STAU1: variants seen among roughly 807,000 people sequenced by gnomAD.
STAU1 encodes staufen double-stranded RNA binding protein 1.
STAU1 carries 13 observed loss-of-function variants against 62.9 expected under a neutral mutation model. That is an observed-to-expected ratio of 0.21 (90% confidence interval 0.13 to 0.33). The LOEUF is 0.33. Ranked by LOEUF, STAU1 falls within the 10% of genes least tolerant of loss-of-function variation. The pLI is 1.00. For synonymous variants in STAU1, 269 were observed against 265.1 expected (o/e 1.01, Z -0.14); for missense variants, 571 against 712.1 (o/e 0.80, Z 2.25).
Position 49,146,736 on chromosome 20 carries a change from AAT to A in STAU1, c.510+4844_510+4845del, listed in dbSNP as rs528742639. 1.5e-3 allele frequency among the ~76,000 whole-genome samples: 232 copies of A among 152,116 alleles called. 1 individual carries two copies. The highest frequency in any genetic ancestry group is 2.8e-3 in the Non-Finnish European group (191 of 67,970). On this transcript the variant is annotated intron_variant, in intron 5 of 13. Coordinates refer to ENST00000371856, the MANE Select transcript of STAU1 (RefSeq NM_017453.4). ...AAAAAAAAGGAAAGAAAGAAACAAA[AAT>A]ACATACACACTGAAACACCAACAGG...
chr20:49,167,512 A>G (rs1021692430), intron 2 of STAU1, among the ~76,000 whole-genome samples: 1 of 152,208 alleles, frequency 6.6e-6, no homozygotes. Context: ...TAGCAGAGGC[A>G]TAAGTATTAC....
chr20:49,184,212 T>C (rs959658997), intron 1 of STAU1, among the ~76,000 whole-genome samples: 3 of 151,924 alleles, frequency 2.0e-5, no homozygotes, highest in Non-Finnish European at 2.9e-5. Context: ...ATTACAGGCA[T>C]GGGGTTGCAG....
intron 6 of STAU1, among the ~76,000 whole-genome samples, chr20:49,126,850 T>G (rs1000273264): frequency 6.6e-6 from 1 of 151,600 alleles, no homozygotes; most frequent in African/African-American, 2.4e-5. Flanking sequence ...TAACTAGGTA[T>G]CTGCATGGAG....
chr20:49,165,974 G>C, intron 3 of STAU1, 23 bp downstream of exon 3: 1 of 1,609,688 alleles, frequency 6.2e-7, no homozygotes, highest in Non-Finnish European at 8.5e-7. Flanking sequence ...TGAAATAGAA[G>C]ACACTTGGAT....
chr20:49,193,373 T>C, the STAU1 span, among the ~76,000 whole-genome samples: 6 of 150,196 alleles, frequency 4.0e-5, no homozygotes, highest in Admixed American at 4.0e-4. Flanking sequence ...CAAGACTCTG[T>C]CTCTAAAGAA....
chr20:49,198,471 C>T, the STAU1 span, among the ~76,000 whole-genome samples: 1 of 152,068 alleles, frequency 6.6e-6, no homozygotes, highest in Admixed American at 6.6e-5. Context: ...CATGCAACTG[C>T]ACTCCAGCCT....
intron 6 of STAU1, among the ~76,000 whole-genome samples, chr20:49,135,493 T>C (rs2092858459): frequency 6.6e-6 from 1 of 152,184 alleles, no homozygotes; most frequent in Admixed American, 6.5e-5. Context: ...ACAAATGCTT[T>C]TGAGACTGAT....
In STAU1 at chr20:49,117,772, G is replaced by A. The variant is rs873689; in HGVS notation, c.1509+5C>T. On this transcript the variant is annotated splice_donor_5th_base_variant and intron_variant, in intron 11 of 13. Transcript: ENST00000371856. This position sits in a 1 kb window ranked among gnomAD's most constrained non-coding sequence, Gnocchi z 4.6. Reference sequence around the variant, plus strand: ...CAGCCATCACAGCTCAGGCCAGACAGTTACCTGGAATCCCTGGACTCTGGA... The same window carrying A: ...CAGCCATCACAGCTCAGGCCAGACAATTACCTGGAATCCCTGGACTCTGGA... The A allele has an allele frequency of 6.5e-3, 10,383 of 1,602,662 alleles. 542 individuals carry two copies. In the African/African-American group the frequency reaches 0.12, roughly 18 times the overall value.
intron 5 of STAU1, among the ~76,000 whole-genome samples, chr20:49,142,687 T>A (rs930771132): frequency 6.6e-6 from 1 of 152,100 alleles, no homozygotes; most frequent in Admixed American, 6.6e-5. Flanking sequence ...GTGACTGGAG[T>A]TGCGATTCAC....
At chr20:49,213,036 C>T in the STAU1 span, among the ~76,000 whole-genome samples, 1,530 of 152,062 alleles carry the variant, frequency 0.01, 27 homozygotes, top group African/African-American at 0.029. Context: ...GACAGGGTCT[C>T]GCTCTGTCAT....
At chr20:49,214,442 C>T in the STAU1 span, among the ~76,000 whole-genome samples, 7 of 148,102 alleles carry the variant, frequency 4.7e-5, no homozygotes. Flanking sequence ...CGCTTGAACC[C>T]GGGAGGCAGA....
the STAU1 span, among the ~76,000 whole-genome samples, chr20:49,214,517 C>CAAAA: frequency 1.7e-5 from 2 of 119,200 alleles, no homozygotes; most frequent in Non-Finnish European, 3.3e-5. Context: ...GATTCCGTCT[C>CAAAA]AAAAAAAAAA....
chr20:49,157,344 G>A (rs1161001025), intron 3 of STAU1, among the ~76,000 whole-genome samples: 6 of 151,952 alleles, frequency 3.9e-5, no homozygotes, highest in Non-Finnish European at 8.8e-5. Flanking sequence ...TTTGAAATGG[G>A]GTCTTGCTCT....
the STAU1 span, among the ~76,000 whole-genome samples, chr20:49,194,429 CA>C: frequency 0.41 from 33,441 of 80,886 alleles, 4,153 homozygotes; most frequent in Middle Eastern, 0.55. Flanking sequence ...AACTCCGTCT[CA>C]AAAAAAAAAA....
chr20:49,160,173 A>G lies in STAU1; in HGVS notation c.205+5824T>C, dbSNP rs1315265102. On this transcript the variant is annotated intron_variant, in intron 3 of 13. Coordinates refer to ENST00000371856, the MANE Select transcript of STAU1 (RefSeq NM_017453.4). ...ACAACAAAAAAGTAGTAACTTGCAC[A>G]AGATCACACAGCTAGTAACAAGCTG... 2.6e-5 allele frequency among the ~76,000 whole-genome samples: 4 copies of G among 152,346 alleles called. No homozygotes were observed. In the East Asian group the frequency reaches 5.8e-4, roughly 22 times the overall value.
At position 49,135,846 on chromosome 20, in the gene STAU1, G is replaced by A. The variant is rs369174174; in HGVS notation, c.596C>T (p.Pro199Leu). 11 of 1,613,240 alleles carry A rather than the reference G, an allele frequency of 6.8e-6. No homozygotes were observed. Among genetic ancestry groups the A allele is most frequent in the African/African-American group, 6.7e-5 (5 of 74,894 alleles). ...VFEIALKRNL[P>L]VNFEVARESG... ...AAATTAGCTTACCTCGAAATTCACA[G>A]GCAAGTTCCGTTTAAGTGCAATCTC... is the stretch of plus-strand genomic sequence containing the variant. The change falls in exon 6 of 14, where the codon CCT becomes CTT. Residue 199 changes from proline (P) to leucine (L), a missense_variant. Physicochemically the swap from Pro to Leu is moderately conservative, Grantham distance 98 (BLOSUM62 -3). This residue lies in a region of STAU1 where 414 missense variants were observed against 499.6 expected (regional missense o/e 0.83). Transcript: ENST00000371856.
chr20:49,159,050 G>A, intron 3 of STAU1: 1 of 1,265,296 alleles, frequency 7.9e-7, no homozygotes. Flanking sequence ...CAAAACCCTG[G>A]CAGGCAGGAA....
intron 2 of STAU1, among the ~76,000 whole-genome samples, chr20:49,170,304 C>T (rs2093580811): frequency 6.6e-6 from 1 of 152,226 alleles, no homozygotes; most frequent in Non-Finnish European, 1.5e-5. Flanking sequence ...CCACTTTCAA[C>T]TTACAGACTG....
rs1271946903 is a variant in STAU1, at chr20:49,177,817, GA to G, written c.-159-3549del. On this transcript the variant is annotated intron_variant, in intron 1 of 13. Coordinates refer to ENST00000371856, the MANE Select transcript of STAU1 (RefSeq NM_017453.4). ...TTAGCAAAGAAAGAAGAGAGAGAGA[GA>G]GGGGAGAAATACAGCAGTCATTTGG... is the stretch of plus-strand genomic sequence containing the variant. Among the ~76,000 whole-genome samples the G allele has an allele frequency of 1.6e-3, 246 of 152,252 alleles. 3 individuals are homozygous for G. The highest frequency in any genetic ancestry group is 2.3e-3 in the Non-Finnish European group (157 of 68,010).
Sources: allele counts gnomAD v4.1 joint callset (sites outside exome capture counted in the v4.1 genomes callset), GRCh38; gene constraint gnomAD v4.1.1; regional missense constraint gnomAD v4.1.1; non-coding constraint Gnocchi (gnomAD v3.1); transcripts MANE v1.5; gene names NCBI Gene and HGNC (gene_info 2026-07-23, HGNC 2026-07-21).